Variants in AP3S2 observed in about 807,000 individuals in gnomAD.
AP3S2 encodes the protein AP-3 complex subunit sigma-2.
AP3S2 carries 22 observed loss-of-function variants against 23.4 expected under a neutral mutation model. The ratio of observed to expected loss-of-function variants is 0.94; its 90% CI spans 0.67 to 1.34. The LOEUF (loss-of-function observed/expected upper bound fraction) is 1.34, where lower values mean the gene tolerates loss of function less well. Among genes scored for constraint, AP3S2 ranks in the 40% most tolerant of loss-of-function variants. The pLI is 0.00. For synonymous variants in AP3S2, 86 were observed against 87.1 expected (o/e 0.99, Z 0.07); for missense variants, 241 against 236.9 (o/e 1.02, Z -0.11).
chr15:89,868,759 G>A (rs1406918412), intron 4 of AP3S2, among the ~76,000 whole-genome samples: 13 of 109,576 alleles, frequency 1.2e-4, no homozygotes, highest in Admixed American at 2.4e-4. Flanking sequence ...CTGCCCGGCC[G>A]CCCCTACTGG....
chr15:89,866,016 C>T (rs963794470), intron 4 of AP3S2, among the ~76,000 whole-genome samples: 1 of 152,096 alleles, frequency 6.6e-6, no homozygotes, highest in Non-Finnish European at 1.5e-5. Flanking sequence ...AATTCCAGCA[C>T]TTTGGGAGAC....
chr15:89,885,934 CAAA>C (rs34323747), intron 3 of AP3S2, among the ~76,000 whole-genome samples: 1,193 of 104,896 alleles, frequency 0.011, 18 homozygotes, highest in African/African-American at 0.041. Flanking sequence ...GACCTTGTCT[CAAA>C]AAAAAAAAAA....
At chr15:89,842,584 G>A (rs1895355524) in intron 4 of AP3S2, among the ~76,000 whole-genome samples, 1 of 152,132 alleles carries the variant, frequency 6.6e-6, no homozygotes, top group African/African-American at 2.4e-5. Context: ...AATTCTCAAG[G>A]ACAGAAAGTG....
At position 89,853,587 on chromosome 15, in the gene AP3S2, G is replaced by C. The variant is rs551117348; in HGVS notation, c.346-15865C>G. 1.5e-4 allele frequency among the ~76,000 whole-genome samples: 22 copies of C among 151,058 alleles called. No homozygotes were observed. In the East Asian group the frequency reaches 4.1e-3, roughly 28 times the overall value. On this transcript the variant is annotated intron_variant, in intron 4 of 5. Coordinates refer to ENST00000336418, the MANE Select transcript of AP3S2 (RefSeq NM_005829.5). The stretch of plus-strand genomic sequence containing the variant: ...GGCCGCCCATCGTCTGGGATGTGAG[G>C]AGCCCCTCTGCCTGGCTGCCCAGTC...
At chr15:89,892,368 C>T (rs28468074) in intron 1 of AP3S2, among the ~76,000 whole-genome samples, 71,546 of 151,914 alleles carry the variant, frequency 0.47, 17,078 homozygotes, top group East Asian at 0.61. Flanking sequence ...ACTGAATTGT[C>T]CCCTTTAAAT....
intron 4 of AP3S2, among the ~76,000 whole-genome samples, chr15:89,846,235 C>A (rs1290054223): frequency 6.6e-6 from 1 of 152,126 alleles, no homozygotes; most frequent in Non-Finnish European, 1.5e-5. Flanking sequence ...CTCTTGGAAC[C>A]CCTGAAAATA....
chr15:89,870,313 A>G (rs993011386), intron 4 of AP3S2, among the ~76,000 whole-genome samples: 2 of 152,206 alleles, frequency 1.3e-5, no homozygotes, highest in Non-Finnish European at 2.9e-5. Context: ...CAACCCTTTC[A>G]TATGAAAGGG....
chr15:89,873,350 T>C (rs1896365292), intron 3 of AP3S2, among the ~76,000 whole-genome samples: 1 of 151,450 alleles, frequency 6.6e-6, no homozygotes, highest in South Asian at 2.1e-4. Context: ...AGTGCCACGA[T>C]CTTGGCTCAC....
At chr15:89,853,860 A>G (rs1596196220) in intron 4 of AP3S2, among the ~76,000 whole-genome samples, 1 of 46,204 alleles carries the variant, frequency 2.2e-5, no homozygotes, top group Admixed American at 2.5e-4. Context: ...AAGTGAGGAG[A>G]CCCTCTGCCT....
At chr15:89,870,645 C>T (rs117862580) in intron 4 of AP3S2, among the ~76,000 whole-genome samples, 1 of 152,168 alleles carries the variant, frequency 6.6e-6, no homozygotes, top group African/African-American at 2.4e-5. Flanking sequence ...GATCTAAAAA[C>T]TCCTACTTCA....
At chr15:89,857,751 G>A (rs1005233387) in intron 4 of AP3S2, among the ~76,000 whole-genome samples, 1 of 152,092 alleles carries the variant, frequency 6.6e-6, no homozygotes, top group Non-Finnish European at 1.5e-5. Context: ...TTTCCTCTAA[G>A]AAAATCCATG....
chr15:89,870,682 C>T (rs1339247502), intron 4 of AP3S2, among the ~76,000 whole-genome samples: 1 of 152,190 alleles, frequency 6.6e-6, no homozygotes, highest in Non-Finnish European at 1.5e-5. Flanking sequence ...AATAAAGGAT[C>T]ATGGCTTAGC....
intron 4 of AP3S2, among the ~76,000 whole-genome samples, chr15:89,858,700 G>A (rs980202223): frequency 2.0e-5 from 3 of 152,016 alleles, no homozygotes; most frequent in Non-Finnish European, 2.9e-5. Flanking sequence ...AATACAATTC[G>A]TTTTATCTGC....
intron 4 of AP3S2, among the ~76,000 whole-genome samples, chr15:89,857,768 C>A (rs1250836215): frequency 6.6e-6 from 1 of 152,116 alleles, no homozygotes; most frequent in African/African-American, 2.4e-5. Context: ...CATGAAAAAA[C>A]CATGGTCATC....
rs1439829584 is a variant in AP3S2 at position 89,837,735 on chromosome 15, C to A, written c.346-13G>T. ...GGATGTAGTGCACCTAAAAGGGAAG[C>A]AAAAATCAGGAGTCAGAATACTCTG... On this transcript the variant is annotated splice_polypyrimidine_tract_variant and intron_variant, in intron 4 of 5. Coordinates refer to ENST00000336418, the MANE Select transcript of AP3S2 (RefSeq NM_005829.5). 9 of 1,609,864 alleles carry A rather than the reference C, an allele frequency of 5.6e-6. No individual in the cohort carries two copies. The Admixed American group carries it at 6.8e-5, about 12-fold the overall frequency.
At chr15:89,891,607 C>T (rs749670658) in intron 1 of AP3S2, among the ~76,000 whole-genome samples, 1 of 150,144 alleles carries the variant, frequency 6.7e-6, no homozygotes, top group African/African-American at 2.5e-5. Flanking sequence ...TACAGTGAAC[C>T]GAGATCACGC....
At position 89,878,133 on chromosome 15, in the gene AP3S2, G is replaced by A. The variant is rs533584287; in HGVS notation, c.274-6587C>T. On this transcript the variant is annotated intron_variant, in intron 3 of 5. Transcript: ENST00000336418. ...TAAAACATAAAATAAATGTTATGCAGATGTTCGTTAGAAGATCTTGCCACT... is the reference window on the plus strand; with the variant it reads ...TAAAACATAAAATAAATGTTATGCAAATGTTCGTTAGAAGATCTTGCCACT... 2.2e-5 allele frequency: 11 copies of A among 503,232 alleles called. No individual in the cohort carries two copies. In the East Asian group the frequency reaches 3.0e-4, roughly 14 times the overall value. The allele number at this position is 503,232 out of a possible 1,614,324, so 31.2% of individuals were successfully genotyped here.
chr15:89,882,785 T>C (rs1030530203), intron 3 of AP3S2, among the ~76,000 whole-genome samples: 1 of 152,242 alleles, frequency 6.6e-6, no homozygotes, highest in African/African-American at 2.4e-5. Context: ...CTATTATACA[T>C]TCTGAAAACT....
intron 4 of AP3S2, among the ~76,000 whole-genome samples, chr15:89,848,078 G>T (rs534154636): frequency 2.0e-5 from 3 of 152,302 alleles, no homozygotes; most frequent in African/African-American, 7.2e-5. Context: ...CGAATCCATA[G>T]AAACCTCTAA....
Sources: allele counts gnomAD v4.1 joint callset (sites outside exome capture counted in the v4.1 genomes callset), GRCh38; gene constraint gnomAD v4.1.1; transcripts MANE v1.5; gene names NCBI Gene and HGNC (gene_info 2026-07-23, HGNC 2026-07-21).